The following COL1A2 variants were observed in gnomAD, a reference collection of about 807,000 sequenced individuals.
The protein encoded by COL1A2 is collagen type I alpha 2 chain.
A neutral mutation model predicts 174.3 loss-of-function variants in COL1A2; 49 were observed. The observed-to-expected ratio is 0.28, with a 90% CI of 0.22 to 0.36. The LOEUF (loss-of-function observed/expected upper bound fraction) is 0.36. COL1A2 is among the 10% of genes least tolerant of loss of function. The pLI, the probability that COL1A2 is intolerant of heterozygous loss-of-function variation, is 1.00. For synonymous variants in COL1A2, 655 were observed against 606.6 expected (o/e 1.08, Z -1.17); for missense variants, 1,438 against 1,822.7 (o/e 0.79, Z 3.84).
chr7:94,427,273 C>T lies in COL1A2; in HGVS notation c.3245C>T (p.Pro1082Leu), dbSNP rs1245409189. Residue 1082 changes from proline to leucine, a missense_variant, in exon 48 of 52, where the codon CCT (proline) becomes CTT (leucine). Pro to Leu is a moderately conservative substitution (Grantham distance 98, BLOSUM62 -3). Transcript: ENST00000297268. ...GTVGPAGIRG[P>L]QGHQGPAGPP... The stretch of plus-strand genomic sequence containing the variant: ...GTTGGACCTGCTGGCATTCGAGGCC[C>T]TCAGGGTCACCAAGGCCCTGCTGTA... The T allele has an allele frequency of 1.2e-6, 2 of 1,613,304 alleles. No individual in the cohort carries two copies. The highest frequency in any genetic ancestry group is 1.7e-5 in the Admixed American group (1 of 59,966).
intron 12 of COL1A2, 22 bp from the exon 13 acceptor site, chr7:94,407,825 A>T: frequency 1.2e-6 from 2 of 1,612,594 alleles, no homozygotes; most frequent in East Asian, 2.2e-5. Context: ...AATGAACAAA[A>T]ACTCAATCCT....
intron 24 of COL1A2, 39 bp downstream of exon 24, chr7:94,412,160 C>A (rs374089405): frequency 7.8e-6 from 12 of 1,539,284 alleles, no homozygotes; most frequent in African/African-American, 1.4e-5. Context: ...TTCAAGGACA[C>A]TTATTGCACC....
chr7:94,423,614 G>C (rs1792214085), intron 40 of COL1A2: 1 of 174,186 alleles, frequency 5.7e-6, no homozygotes, highest in Admixed American at 5.5e-5. Flanking sequence ...TTTTGTTTTG[G>C]GATGGAGTTC....
At chr7:94,401,095 C>T (rs113880612) in intron 5 of COL1A2, among the ~76,000 whole-genome samples, 47 of 152,268 alleles carry the variant, frequency 3.1e-4, no homozygotes, top group African/African-American at 1.1e-3. Context: ...AACTTGAAAA[C>T]TCTTTATGCC....
At chr7:94,400,766 A>G (rs892631901) in intron 5 of COL1A2, among the ~76,000 whole-genome samples, 6 of 152,196 alleles carry the variant, frequency 3.9e-5, no homozygotes, top group African/African-American at 1.4e-4. Flanking sequence ...TTTTTCATTA[A>G]TATCTTCTTT....
Position 94,413,099 on chromosome 7 carries a change from A to G in COL1A2, c.1520A>G (p.Asn507Ser). ...TTACTCTAGGGTGATCCTGGCAAAA[A>G]CGGTGATAAAGGTCATGCTGGTCTT... is the stretch of plus-strand genomic sequence containing the variant. ...PKGPTGDPGK[N>S]GDKGHAGLAG... The change falls in exon 26 of 52, where the codon AAC (asparagine) becomes AGC (serine). Residue 507 changes from asparagine (N) to serine (S), a missense_variant. By Grantham distance (46) the Asn-to-Ser change is conservative. Transcript: ENST00000297268. The G allele has an allele frequency of 6.2e-7, 1 of 1,614,188 alleles. No individual in the cohort carries two copies. The highest frequency in any genetic ancestry group is 1.1e-5 in the South Asian group (1 of 91,086).
rs73426391 is a variant in COL1A2, at chr7:94,405,049, A to C, written c.433-150A>C. On this transcript the variant is annotated intron_variant, in intron 9 of 51. Coordinates refer to ENST00000297268, the MANE Select transcript of COL1A2 (RefSeq NM_000089.4). ...TATTATTTTAATGAAATATTAACTA[A>C]CCTACTTGTATTAAGGGAAAGATTA... 150 of 1,057,024 alleles carry C rather than the reference A, an allele frequency of 1.4e-4. No individual in the cohort carries two copies. The African/African-American group carries it at 2.2e-3, about 16-fold the overall frequency. 65.5% of individuals were successfully genotyped at this position (1,057,024 alleles called of 1,614,324 possible). A position where few individuals can be genotyped will look rare whatever the true frequency, so the allele number is the denominator to read the frequency against.
chr7:94,423,177 T>A, intron 40 of COL1A2, 59 bp downstream of exon 40: 1 of 1,590,298 alleles, frequency 6.3e-7, no homozygotes, highest in Non-Finnish European at 8.6e-7. Flanking sequence ...ATAAAGCCCC[T>A]ACACAAATCT....
chr7:94,422,759 C>T, intron 39 of COL1A2, 198 bp from the exon 40 acceptor site: 1 of 657,220 alleles, frequency 1.5e-6, no homozygotes, highest in Non-Finnish European at 2.6e-6. Context: ...TGGTTGGTTA[C>T]AGCCTCATAA....
intron 26 of COL1A2, 70 bp downstream of exon 26, chr7:94,413,206 C>T (rs1791968330): frequency 1.4e-6 from 2 of 1,383,008 alleles, no homozygotes; most frequent in Non-Finnish European, 2.1e-6. Context: ...TTTTTTTACA[C>T]CATCTGATAT....
At position 94,397,731 on chromosome 7, in the gene COL1A2, CTTT is replaced by C; in HGVS notation, c.71-9_71-7del. ...TACTAATAATTGTTTCCTACTTTTT[CTTT>C]TTTTTTTCTACAGCTTTACAAGAGG... On this transcript the variant is annotated splice_polypyrimidine_tract_variant and intron_variant, in intron 1 of 51. Transcript: ENST00000297268. 8.8e-7 allele frequency: 1 copy of C among 1,133,752 alleles called. No individual in the cohort carries two copies. Among genetic ancestry groups the C allele is most frequent in the Non-Finnish European group, 1.3e-6 (1 of 782,364 alleles). The allele number at this position is 1,133,752 out of a possible 1,614,324, so 70.2% of individuals were successfully genotyped here.
intron 17 of COL1A2, 26 bp from the exon 18 acceptor site, chr7:94,409,538 T>G (rs761686465): frequency 1.2e-5 from 20 of 1,613,964 alleles, no homozygotes; most frequent in African/African-American, 2.7e-5. Context: ...TTAACTGATA[T>G]CCTTCTCCTT....
intron 6 of COL1A2, among the ~76,000 whole-genome samples, chr7:94,403,821 CA>C (rs1791739469): frequency 6.6e-6 from 1 of 152,094 alleles, no homozygotes; most frequent in East Asian, 1.9e-4. Flanking sequence ...AAAGAGGAGT[CA>C]AGAAAGTGTA....
At chr7:94,403,005 T>C (rs2115870207) in intron 6 of COL1A2, among the ~76,000 whole-genome samples, 1 of 152,300 alleles carries the variant, frequency 6.6e-6, no homozygotes, top group South Asian at 2.1e-4. Context: ...AGTAGAGTGT[T>C]TCTTTTGGCT....
intron 2 of COL1A2, 75 bp from the exon 3 acceptor site, chr7:94,398,307 C>A: frequency 4.0e-6 from 2 of 498,490 alleles, no homozygotes; most frequent in Non-Finnish European, 6.7e-6. Flanking sequence ...TTGTATACTA[C>A]ACCAAAATGG....
intron 6 of COL1A2, among the ~76,000 whole-genome samples, chr7:94,403,719 T>C (rs411717): frequency 0.5 from 75,455 of 151,962 alleles, 19,754 homozygotes; most frequent in Admixed American, 0.57. Flanking sequence ...GCTGATGTCA[T>C]GAACAAATTA....
rs1319130076 is a variant in COL1A2, at chr7:94,427,874, A to C, written c.3515A>C (p.Glu1172Ala). 1 of 1,614,128 alleles carries C rather than the reference A, an allele frequency of 6.2e-7. No individual in the cohort carries two copies. Among genetic ancestry groups the C allele is most frequent in the South Asian group, 1.1e-5 (1 of 91,076 alleles). The change falls in exon 49 of 52, where the codon GAG becomes GCG. Residue 1172 changes from glutamate to alanine, a missense_variant. Physicochemically the swap from Glu to Ala is moderately radical, Grantham distance 107. Transcript: ENST00000297268. ...TCRDLRLSHP[E>A]WSSGYYWIDP... Reference sequence around the variant, plus strand: ...CGTGACTTGAGACTCAGCCACCCAGAGTGGAGCAGTGGTAGGTCAAGATGT... The same window carrying C: ...CGTGACTTGAGACTCAGCCACCCAGCGTGGAGCAGTGGTAGGTCAAGATGT...
chr7:94,404,344 T>C (rs1056175620), intron 6 of COL1A2, among the ~76,000 whole-genome samples: 46 of 152,184 alleles, frequency 3.0e-4, no homozygotes, highest in African/African-American at 8.4e-4. Flanking sequence ...CTAATTCTCA[T>C]TGATTTCTGT....
At position 94,429,207 on chromosome 7, in the gene COL1A2, G is replaced by C. The variant is rs746254293; in HGVS notation, c.3731G>C (p.Gly1244Ala). 1 of 1,612,578 alleles carries C rather than the reference G, an allele frequency of 6.2e-7. No individual in the cohort carries two copies. Among genetic ancestry groups the C allele is most frequent in the Non-Finnish European group, 8.5e-7 (1 of 1,179,094 alleles). The change falls in exon 51 of 52, where the codon GGA (glycine) becomes GCA (alanine). Residue 1244 changes from glycine (G) to alanine (A), a missense_variant. Transcript: ENST00000297268. Reference protein sequence around the residue: ...AGSQFEYNVEGVTSKEMATQL... With the variant: ...AGSQFEYNVEAVTSKEMATQL... ...CTGTAGTTTGAATATAATGTAGAAG[G>C]AGTGACTTCCAAGGAAATGGCTACC...
Sources: gnomAD v4.1 joint callset for allele counts (sites outside exome capture counted in the v4.1 genomes callset) on GRCh38, gnomAD v4.1.1 for gene constraint, MANE v1.5 for transcripts, NCBI Gene and HGNC (gene_info 2026-07-23, HGNC 2026-07-21) for gene names.